The following CYB5B variants were observed in gnomAD, a reference collection of about 807,000 sequenced individuals.
CYB5B encodes the protein cytochrome b5 type B (outer mitochondrial membrane).
CYB5B carries 14 observed loss-of-function variants against 21.3 expected under a neutral mutation model. That is an observed-to-expected ratio of 0.66 (90% CI 0.43 to 1.03). The LOEUF (loss-of-function observed/expected upper bound fraction) is 1.03. CYB5B is among the 50% of genes least tolerant of loss of function. The pLI is 0.00. For missense variants in CYB5B, 166 were observed against 185.1 expected (o/e 0.90, Z 0.60); for synonymous variants, 69 against 68.4 (o/e 1.01, Z -0.04).
At chr16:69,453,178 C>T (rs917612928) in intron 3 of CYB5B, among the ~76,000 whole-genome samples, 5 of 151,896 alleles carry the variant, frequency 3.3e-5, no homozygotes, top group Non-Finnish European at 7.4e-5. Flanking sequence ...AGAAGCTTGA[C>T]TTATGAAATC....
intron 4 of CYB5B, among the ~76,000 whole-genome samples, chr16:69,460,998 C>G (rs1567476528): frequency 6.6e-6 from 1 of 152,128 alleles, no homozygotes; most frequent in Non-Finnish European, 1.5e-5. Context: ...TTGGTGTCAA[C>G]CATTCTCAGT....
chr16:69,429,194 T>TA (rs1377291682), intron 1 of CYB5B, among the ~76,000 whole-genome samples: 1 of 152,118 alleles, frequency 6.6e-6, no homozygotes, highest in Non-Finnish European at 1.5e-5. Flanking sequence ...CGGTGAGTGT[T>TA]ATAGCTCTTA....
intron 1 of CYB5B, among the ~76,000 whole-genome samples, chr16:69,432,103 A>G (rs1019767763): frequency 6.6e-6 from 1 of 152,192 alleles, no homozygotes; most frequent in Non-Finnish European, 1.5e-5. Flanking sequence ...TGAATGAAGG[A>G]CAAGAATGGC....
rs189388123 is a variant in CYB5B, at chr16:69,427,048, T to A, written c.174+2191T>A. On this transcript the variant is annotated intron_variant, in intron 1 of 4. Transcript: ENST00000307892. ...TGAGTTCAGGAGTTCGAGACCAGTC[T>A]GGCCAACACGGCGAAACCTCGTCTC... Among the ~76,000 whole-genome samples the A allele has an allele frequency of 4.8e-3, 731 of 152,260 alleles. 28 individuals are homozygous for A. Among genetic ancestry groups the A allele is most frequent in the Admixed American group, 0.042 (644 of 15,288 alleles).
chr16:69,427,357 T>C (rs2142806721), intron 1 of CYB5B, among the ~76,000 whole-genome samples: 1 of 152,244 alleles, frequency 6.6e-6, no homozygotes, highest in East Asian at 1.9e-4. Flanking sequence ...CAGAGAGCAT[T>C]AATTCAGTCT....
At chr16:69,462,347 A>G (rs1342061050) in intron 4 of CYB5B, 83 bp from the exon 5 acceptor site, 7 of 1,147,486 alleles carry the variant, frequency 6.1e-6, no homozygotes, top group Non-Finnish European at 7.9e-6. Context: ...CCTTGCCTAT[A>G]TAAAAACATG....
intron 3 of CYB5B, among the ~76,000 whole-genome samples, chr16:69,454,807 C>CT (rs1172035214): frequency 6.6e-6 from 1 of 152,128 alleles, no homozygotes; most frequent in Non-Finnish European, 1.5e-5. Context: ...CTTTATATAC[C>CT]TTATATTTGC....
At chr16:69,443,614 G>A (rs932931374) in intron 1 of CYB5B, 2 of 152,560 alleles carry the variant, frequency 1.3e-5, no homozygotes, top group African/African-American at 4.8e-5. Flanking sequence ...CAGCACTTTA[G>A]GAGGCCGAGG....
chr16:69,434,862 CAAAAA>C (rs569014074), intron 1 of CYB5B, among the ~76,000 whole-genome samples: 1 of 116,642 alleles, frequency 8.6e-6, no homozygotes, highest in African/African-American at 3.3e-5. Context: ...GACTTCATCT[CAAAAA>C]AAAAAAAAAA....
chr16:69,456,738 G>A (rs1279757942), intron 3 of CYB5B, among the ~76,000 whole-genome samples: 1 of 152,192 alleles, frequency 6.6e-6, no homozygotes, highest in East Asian at 1.9e-4. Context: ...ATTAGCTTTA[G>A]TCTAGTGCTT....
At chr16:69,457,574 C>T (rs1008872962) in intron 3 of CYB5B, among the ~76,000 whole-genome samples, 2 of 152,104 alleles carry the variant, frequency 1.3e-5, no homozygotes, top group African/African-American at 2.4e-5. Context: ...ATACTACCAT[C>T]GCTACCACTC....
intron 1 of CYB5B, 32 bp from the exon 2 acceptor site, chr16:69,447,118 C>A: frequency 1.9e-6 from 3 of 1,605,432 alleles, no homozygotes; most frequent in Non-Finnish European, 2.6e-6. Context: ...TTTCAGAGAA[C>A]CCTCGGTTCA....
At chr16:69,445,789 T>C (rs1325928147) in intron 1 of CYB5B, among the ~76,000 whole-genome samples, 1 of 152,096 alleles carries the variant, frequency 6.6e-6, no homozygotes, top group African/African-American at 2.4e-5. Context: ...AAACCCCGTC[T>C]CTATTAAAAA....
intron 1 of CYB5B, among the ~76,000 whole-genome samples, chr16:69,427,126 C>T (rs528109816): frequency 6.6e-6 from 1 of 152,148 alleles, no homozygotes; most frequent in East Asian, 1.9e-4. Context: ...ATCTCAGCTA[C>T]TTGGGAGGCT....
At chr16:69,424,941 G>T in intron 1 of CYB5B, 84 bp downstream of exon 1, 1 of 1,352,980 alleles carries the variant, frequency 7.4e-7, no homozygotes, top group Non-Finnish European at 9.7e-7. Flanking sequence ...GGAAGGAAGG[G>T]AGGCTTGGCT....
In CYB5B at chr16:69,424,701, G is replaced by T; in HGVS notation, c.18G>T (p.Ala6=). 1 of 1,588,780 alleles carries T rather than the reference G, an allele frequency of 6.3e-7. No individual in the cohort carries two copies. Among genetic ancestry groups the T allele is most frequent in the South Asian group, 1.1e-5 (1 of 88,178 alleles). The change falls in exon 1 of 5, where the codon GCG becomes GCT. Residue 6 remains alanine, a synonymous_variant. Coordinates refer to ENST00000307892, the MANE Select transcript of CYB5B (RefSeq NM_030579.3). The stretch of plus-strand genomic sequence containing the variant: ...GAGGCAGTATGTCCGGTTCAATGGC[G>T]ACTGCGGAAGCTAGCGGCAGCGATG... MSGSM[A]TAEASGSDGK...
chr16:69,434,902 T>C (rs988204765), intron 1 of CYB5B, among the ~76,000 whole-genome samples: 1 of 150,794 alleles, frequency 6.6e-6, no homozygotes, highest in African/African-American at 2.4e-5. Context: ...GGGTGTGTAA[T>C]GGTATATAAT....
chr16:69,451,635 T>G (rs1178889745), intron 3 of CYB5B, among the ~76,000 whole-genome samples: 1 of 151,948 alleles, frequency 6.6e-6, no homozygotes, highest in Non-Finnish European at 1.5e-5. Context: ...AAAAAAAATT[T>G]AAATAGTTCA....
chr16:69,428,447 C>T (rs774301200), intron 1 of CYB5B, among the ~76,000 whole-genome samples: 4 of 151,944 alleles, frequency 2.6e-5, no homozygotes, highest in South Asian at 2.1e-4. Context: ...ATCATGAGGT[C>T]GGGATTGAGA....
Sources: gnomAD v4.1 joint callset for allele counts (sites outside exome capture counted in the v4.1 genomes callset) on GRCh38, gnomAD v4.1.1 for gene constraint, MANE v1.5 for transcripts, NCBI Gene and HGNC (gene_info 2026-07-23, HGNC 2026-07-21) for gene names.